Variants in DCLK1 observed in about 807,000 individuals in gnomAD.
DCLK1 encodes the protein doublecortin like kinase 1, also known as serine/threonine-protein kinase DCLK1.
Under a neutral mutation model 86.2 loss-of-function variants are expected in DCLK1, and 16 were observed. The observed-to-expected ratio is 0.19, with a 90% confidence interval of 0.13 to 0.28. The LOEUF is 0.28. Ranked by LOEUF, DCLK1 falls within the 10% of genes least tolerant of loss-of-function variation. The pLI is 1.00. For synonymous variants in DCLK1, 369 were observed against 370.5 expected, an observed-to-expected ratio of 1.00 and a Z score of 0.05; for missense variants, 590 against 940.2, an observed-to-expected ratio of 0.63 and a Z score of 4.87.
intron 4 of DCLK1, among the ~76,000 whole-genome samples, chr13:35,896,376 TA>T (rs1873982880): frequency 1.3e-5 from 2 of 151,746 alleles, no homozygotes; most frequent in African/African-American, 4.8e-5. Flanking sequence ...CTGTTACTAC[TA>T]AAAATACAAA....
intron 4 of DCLK1, among the ~76,000 whole-genome samples, chr13:35,929,535 A>G (rs1474027561): frequency 6.6e-6 from 1 of 152,238 alleles, no homozygotes; most frequent in African/African-American, 2.4e-5. Context: ...GAGTGCTTTC[A>G]TAACTAAACA....
intron 15 of DCLK1, among the ~76,000 whole-genome samples, chr13:35,795,851 G>C (rs924614705): frequency 1.3e-5 from 2 of 151,172 alleles, no homozygotes; most frequent in Middle Eastern, 3.4e-3. Flanking sequence ...GCTTGAGCCC[G>C]GAGGCGGAAT....
At chr13:35,985,435 A>T (rs116155046) in intron 3 of DCLK1, among the ~76,000 whole-genome samples, 365 of 152,326 alleles carry the variant, frequency 2.4e-3, no homozygotes, top group African/African-American at 8.4e-3. Context: ...AGGGAAGAAG[A>T]GTATTCAGGA....
chr13:35,952,652 C>T (rs1432942450), intron 3 of DCLK1, among the ~76,000 whole-genome samples: 1 of 152,152 alleles, frequency 6.6e-6, no homozygotes, highest in East Asian at 1.9e-4. Flanking sequence ...GTAATATATG[C>T]AATTCATAAG....
At chr13:35,860,119 G>C (rs1450456959) in intron 5 of DCLK1, among the ~76,000 whole-genome samples, 1 of 152,196 alleles carries the variant, frequency 6.6e-6, no homozygotes, top group Non-Finnish European at 1.5e-5. Context: ...GATTTGGGGA[G>C]AGAATGTGTT....
At chr13:36,037,477 TTTTTG>T (rs934477821) in intron 3 of DCLK1, among the ~76,000 whole-genome samples, 3 of 151,744 alleles carry the variant, frequency 2.0e-5, no homozygotes, top group East Asian at 1.9e-4. Context: ...TTTCTCGTGG[TTTTTG>T]TTTTGTTTTG....
intron 3 of DCLK1, among the ~76,000 whole-genome samples, chr13:36,079,555 C>T (rs140772048): frequency 6.6e-6 from 1 of 151,970 alleles, no homozygotes; most frequent in African/African-American, 2.4e-5. Context: ...TTGCTTAAAC[C>T]CGGGAGACGG....
intron 3 of DCLK1, among the ~76,000 whole-genome samples, chr13:36,003,776 C>A (rs932058403): frequency 5.9e-5 from 9 of 152,104 alleles, no homozygotes; most frequent in African/African-American, 1.9e-4. Flanking sequence ...AAGAGATATA[C>A]GGCCATCCTG....
chr13:35,812,913 C>T (rs1247356083), intron 11 of DCLK1, among the ~76,000 whole-genome samples: 6 of 152,198 alleles, frequency 3.9e-5, no homozygotes. Flanking sequence ...AGCAGCTGTC[C>T]AGCCTTGGTC....
At chr13:35,971,624 A>ATGGT (rs1352442073) in intron 3 of DCLK1, among the ~76,000 whole-genome samples, 1 of 152,150 alleles carries the variant, frequency 6.6e-6, no homozygotes, top group Non-Finnish European at 1.5e-5. Flanking sequence ...TTAGCCAGGC[A>ATGGT]TGGTGATGGA....
At chr13:35,924,048 C>T (rs1285890340) in intron 4 of DCLK1, among the ~76,000 whole-genome samples, 3 of 152,108 alleles carry the variant, frequency 2.0e-5, no homozygotes, top group Non-Finnish European at 2.9e-5. Flanking sequence ...GTATCACAGC[C>T]GAACTGCCTT....
intron 11 of DCLK1, among the ~76,000 whole-genome samples, chr13:35,813,088 T>C (rs1023589692): frequency 1.3e-5 from 2 of 152,200 alleles, no homozygotes; most frequent in Non-Finnish European, 2.9e-5. Flanking sequence ...AAAAGAAATC[T>C]GAGATGGAAA....
chr13:35,966,543 C>T (rs1476987468), intron 3 of DCLK1, among the ~76,000 whole-genome samples: 1 of 142,754 alleles, frequency 7.0e-6, no homozygotes, highest in African/African-American at 2.6e-5. Context: ...CACGGTCTCC[C>T]TCTGATGCTG....
At chr13:35,958,136 A>AACC (rs1566620635) in intron 3 of DCLK1, among the ~76,000 whole-genome samples, 21 of 11,284 alleles carry the variant, frequency 1.9e-3, no homozygotes, top group African/African-American at 6.7e-3. Flanking sequence ...CCACTACTAT[A>AACC]ACCACCACCA....
Position 35,875,012 on chromosome 13 carries a change from A to T in DCLK1, c.824-3672T>A, listed in dbSNP as rs970568761. ...GCATCGAGAGCTGCAGGCATGATGG[A>T]GAACAATACAAAGTTTTGGAACTCA... On this transcript the variant is annotated intron_variant, in intron 4 of 16. Transcript: ENST00000360631. 3.6e-4 allele frequency among the ~76,000 whole-genome samples: 55 copies of T among 152,344 alleles called. 1 individual carries two copies. Among genetic ancestry groups the T allele is most frequent in the African/African-American group, 1.1e-3 (47 of 41,580 alleles).
intron 4 of DCLK1, among the ~76,000 whole-genome samples, chr13:35,924,096 T>C (rs535310489): frequency 1.6e-4 from 25 of 152,238 alleles, no homozygotes; most frequent in African/African-American, 5.5e-4. Context: ...CAAAGTATAC[T>C]TCTCCCTGAC....
intron 3 of DCLK1, among the ~76,000 whole-genome samples, chr13:35,977,899 T>A (rs561366024): frequency 1.3e-4 from 20 of 152,086 alleles, no homozygotes; most frequent in Admixed American, 1.3e-4. Flanking sequence ...TCGGAAGCCA[T>A]CATAAGTTAA....
chr13:35,921,522 C>T (rs941190921), intron 4 of DCLK1, among the ~76,000 whole-genome samples: 4 of 152,186 alleles, frequency 2.6e-5, no homozygotes, highest in Non-Finnish European at 5.9e-5. Flanking sequence ...CTCACAGCCC[C>T]TTGTATGTCC....
intron 8 of DCLK1, among the ~76,000 whole-genome samples, chr13:35,829,045 C>G (rs1478906420): frequency 6.6e-6 from 1 of 152,106 alleles, no homozygotes; most frequent in African/African-American, 2.4e-5. Context: ...TATGGGCTGT[C>G]TCATTTCTTT....
Sources: gnomAD v4.1 joint callset for allele counts (sites outside exome capture counted in the v4.1 genomes callset) on GRCh38, gnomAD v4.1.1 for gene constraint, MANE v1.5 for transcripts, NCBI Gene and HGNC (gene_info 2026-07-23, HGNC 2026-07-21) for gene names.